The following ADGRL2 variants were observed in gnomAD, a reference collection of about 807,000 sequenced individuals.
ADGRL2 encodes the protein calcium-independent alpha-latrotoxin receptor 2.
A neutral mutation model predicts 157.4 loss-of-function variants in ADGRL2; 44 were observed. The ratio of observed to expected loss-of-function variants is 0.28; its 90% confidence interval spans 0.22 to 0.36. The LOEUF is 0.36. Among genes scored for constraint, ADGRL2 ranks in the 10% least tolerant of loss-of-function variants. ADGRL2 has a pLI of 1.00. For missense variants in ADGRL2, 1,510 were observed against 1,768.9 expected (o/e 0.85, Z 2.63); for synonymous variants, 585 against 624.7 (o/e 0.94, Z 0.95).
chr1:81,961,185 T>A (rs966374270), intron 11 of ADGRL2, among the ~76,000 whole-genome samples: 1 of 152,160 alleles, frequency 6.6e-6, no homozygotes, highest in Admixed American at 6.5e-5. Context: ...GTTCAGAAAA[T>A]CTATTGAATA....
chr1:81,948,941 T>C (rs2149042786), intron 6 of ADGRL2, among the ~76,000 whole-genome samples: 1 of 152,278 alleles, frequency 6.6e-6, no homozygotes, highest in African/African-American at 2.4e-5. Flanking sequence ...TTACTGTCAG[T>C]AGTGTCAGAA....
chr1:81,786,297 G>A (rs2087041767), intron 2 of ADGRL2, among the ~76,000 whole-genome samples: 1 of 152,168 alleles, frequency 6.6e-6, no homozygotes, highest in South Asian at 2.1e-4. Flanking sequence ...TCTTAATTTA[G>A]CCAGGTACAA....
chr1:81,796,328 C>G (rs2087585207), upstream of ADGRL2, among the ~76,000 whole-genome samples: 1 of 152,094 alleles, frequency 6.6e-6, no homozygotes, highest in Non-Finnish European at 1.5e-5. Context: ...AATGAGAAAA[C>G]AAGGTTATGA....
chr1:81,849,512 T>A (rs2092922368), intron 2 of ADGRL2, among the ~76,000 whole-genome samples: 1 of 151,922 alleles, frequency 6.6e-6, no homozygotes, highest in Non-Finnish European at 1.5e-5. Flanking sequence ...ACTAAAAGAA[T>A]CATTTTACAT....
intron 3 of ADGRL2, among the ~76,000 whole-genome samples, chr1:81,584,897 A>G (rs1380462978): frequency 6.6e-6 from 1 of 152,102 alleles, no homozygotes; most frequent in African/African-American, 2.4e-5. Context: ...TTCTTGCTCT[A>G]TTTTCTTGGG....
chr1:81,916,881 C>T (rs966803168), intron 3 of ADGRL2, among the ~76,000 whole-genome samples: 1 of 151,784 alleles, frequency 6.6e-6, no homozygotes, highest in East Asian at 1.9e-4. Context: ...TACCCCAAAT[C>T]CATATTTTGT....
At chr1:81,978,713 G>A (rs1660839638) in intron 17 of ADGRL2, among the ~76,000 whole-genome samples, 1 of 151,734 alleles carries the variant, frequency 6.6e-6, no homozygotes, top group African/African-American at 2.4e-5. Flanking sequence ...GTCAGAAGTA[G>A]TGAAAGATGA....
intron 2 of ADGRL2, among the ~76,000 whole-genome samples, chr1:81,528,443 C>G (rs1448617372): frequency 2.0e-5 from 3 of 151,926 alleles, no homozygotes; most frequent in Admixed American, 6.6e-5. Context: ...GTCAGGAGAT[C>G]GAGACCATCC....
intron 1 of ADGRL2, among the ~76,000 whole-genome samples, chr1:81,803,967 G>A (rs1327673973): frequency 6.6e-6 from 1 of 152,110 alleles, no homozygotes; most frequent in Admixed American, 6.5e-5. Flanking sequence ...TTACCTGTTA[G>A]GTTGTCTCTT....
intron 2 of ADGRL2, among the ~76,000 whole-genome samples, chr1:81,459,794 ATATATATG>A (rs1024830099): frequency 1.5e-5 from 2 of 132,260 alleles, no homozygotes; most frequent in Non-Finnish European, 3.2e-5. Context: ...GTGTGTATAT[ATATATATG>A]TATGTGTTTG....
rs532640021 is a variant in ADGRL2 at position 81,578,654 on chromosome 1, GAAT to G, written c.-247-2221_-247-2219del. ...AATACTCCAAGTTCTAAAATAATAA[GAAT>G]GATAGTATTTAAAAAAATTTTTTTG... On this transcript the variant is annotated intron_variant, in intron 2 of 24. Transcript: ENST00000370721. Among the ~76,000 whole-genome samples, 23 of 152,102 alleles carry G rather than the reference GAAT, an allele frequency of 1.5e-4. No individual in the cohort carries two copies. In the South Asian group the frequency reaches 4.8e-3, roughly 32 times the overall value.
chr1:81,389,033 A>ACTT (rs2076488956), intron 1 of ADGRL2, among the ~76,000 whole-genome samples: 2 of 152,150 alleles, frequency 1.3e-5, no homozygotes. Context: ...GGCAAAGGCA[A>ACTT]CTTAAGCACT....
rs1216461857 is a variant in ADGRL2 at position 81,532,946 on chromosome 1, ATC to A, written c.-247-47928_-247-47927del. ...CTCAAAAAAAACAACAAAAAATTCT[ATC>A]TATCTATCTATCTATCTATCTATCA... On this transcript the variant is annotated intron_variant, in intron 2 of 24. Transcript: ENST00000370721. Among the ~76,000 whole-genome samples, 3 of 76,054 alleles carry A rather than the reference ATC, an allele frequency of 3.9e-5. No individual in the cohort carries two copies. The East Asian group carries it at 1.7e-3, about 42-fold the overall frequency. The allele number at this position is 76,054 out of a possible 152,430, so 49.9% of individuals were successfully genotyped here. A position where few individuals can be genotyped will look rare whatever the true frequency, so the allele number is the denominator to read the frequency against.
intron 3 of ADGRL2, among the ~76,000 whole-genome samples, chr1:81,915,879 T>G (rs1214422296): frequency 6.6e-6 from 1 of 152,138 alleles, no homozygotes; most frequent in African/African-American, 2.4e-5. Context: ...TTCATATCCT[T>G]AGGGATTATT....
intron 2 of ADGRL2, among the ~76,000 whole-genome samples, chr1:81,779,561 G>A (rs2086731857): frequency 6.6e-6 from 1 of 151,908 alleles, no homozygotes; most frequent in South Asian, 2.1e-4. Flanking sequence ...ATTTTTATAG[G>A]TCTATTCTAC....
At chr1:81,536,056 T>C (rs576502135) in intron 2 of ADGRL2, among the ~76,000 whole-genome samples, 1 of 152,334 alleles carries the variant, frequency 6.6e-6, no homozygotes, top group African/African-American at 2.4e-5. Context: ...TTAAAAGTGA[T>C]ACATTGAGCT....
chr1:81,664,300 TAAG>T (rs1028841086), intron 3 of ADGRL2, among the ~76,000 whole-genome samples: 14 of 152,268 alleles, frequency 9.2e-5, no homozygotes, highest in Admixed American at 5.9e-4. Context: ...AGATTTATAA[TAAG>T]AATATTTTTC....
intron 3 of ADGRL2, among the ~76,000 whole-genome samples, chr1:81,676,056 C>T (rs888487683): frequency 6.6e-6 from 1 of 152,158 alleles, no homozygotes; most frequent in African/African-American, 2.4e-5. Flanking sequence ...GGCTAGAGTG[C>T]AATGGCACGA....
chr1:81,816,760 AT>A (rs1190861082), intron 1 of ADGRL2, among the ~76,000 whole-genome samples: 7 of 151,902 alleles, frequency 4.6e-5, no homozygotes. Flanking sequence ...TCTGATTATC[AT>A]TTATTTTAAC....
Sources: gnomAD v4.1 joint callset for allele counts (sites outside exome capture counted in the v4.1 genomes callset) on GRCh38, gnomAD v4.1.1 for gene constraint, MANE v1.5 for transcripts, NCBI Gene and HGNC (gene_info 2026-07-23, HGNC 2026-07-21) for gene names.